The following FHIT variants were observed in gnomAD, a reference collection of about 807,000 sequenced individuals.
FHIT encodes the protein bis(5'-adenosyl)-triphosphatase.
Under a neutral mutation model 17.9 loss-of-function variants are expected in FHIT, and 19 were observed. The ratio of observed to expected loss-of-function variants is 1.06; its 90% CI spans 0.74 to 1.56. The LOEUF (loss-of-function observed/expected upper bound fraction) is 1.56, where lower values mean the gene tolerates loss of function less well. Ranked by LOEUF, FHIT falls within the 40% of genes most tolerant of loss-of-function variation. FHIT has a pLI of 0.00. For synonymous variants in FHIT, 81 were observed against 69.7 expected (o/e 1.16, Z -0.81); for missense variants, 248 against 189.2 (o/e 1.31, Z -1.82).
intron 5 of FHIT, among the ~76,000 whole-genome samples, chr3:60,161,455 G>T (rs1700936066): frequency 6.6e-6 from 1 of 152,146 alleles, no homozygotes; most frequent in Non-Finnish European, 1.5e-5. Context: ...TATTAATAGT[G>T]TAATTCACAA....
chr3:60,154,180 C>T (rs760481845), intron 5 of FHIT, among the ~76,000 whole-genome samples: 1 of 152,228 alleles, frequency 6.6e-6, no homozygotes, highest in Non-Finnish European at 1.5e-5. Flanking sequence ...CCATATCCTA[C>T]TGCTCAAAGT....
chr3:60,670,807 C>A (rs1457430726), intron 4 of FHIT, among the ~76,000 whole-genome samples: 2 of 152,122 alleles, frequency 1.3e-5, no homozygotes, highest in African/African-American at 4.8e-5. Context: ...TTGGATTAAA[C>A]AGAGGGAATT....
At chr3:60,456,729 A>C (rs1234955284) in intron 5 of FHIT, among the ~76,000 whole-genome samples, 1 of 152,186 alleles carries the variant, frequency 6.6e-6, no homozygotes, top group Non-Finnish European at 1.5e-5. Context: ...GTGTGTTGAC[A>C]TCTTACCCAA....
intron 3 of FHIT, among the ~76,000 whole-genome samples, chr3:60,886,805 A>G (rs1258855711): frequency 6.6e-6 from 1 of 152,130 alleles, no homozygotes; most frequent in Non-Finnish European, 1.5e-5. Context: ...CCATTTACTC[A>G]ACATTCTATC....
At chr3:59,860,928 T>A (rs559704760) in intron 8 of FHIT, among the ~76,000 whole-genome samples, 55 of 152,108 alleles carry the variant, frequency 3.6e-4, no homozygotes, top group African/African-American at 1.2e-3. Flanking sequence ...AGAGCCCAGG[T>A]CCATAGAACC....
intron 4 of FHIT, among the ~76,000 whole-genome samples, chr3:60,577,659 A>T (rs1436839401): frequency 6.6e-6 from 1 of 152,144 alleles, no homozygotes; most frequent in African/African-American, 2.4e-5. Context: ...CATCAGTGCT[A>T]AGAGGCTTTC....
chr3:61,113,561 T>G (rs974832716), intron 2 of FHIT, among the ~76,000 whole-genome samples: 3 of 152,188 alleles, frequency 2.0e-5, no homozygotes, highest in Admixed American at 6.5e-5. Flanking sequence ...AACTCTTAGT[T>G]AGGTTACCTT....
intron 8 of FHIT, among the ~76,000 whole-genome samples, chr3:59,828,532 T>C (rs17362276): frequency 0.023 from 3,521 of 152,322 alleles, 58 homozygotes; most frequent in South Asian, 0.037. Context: ...TATTTGAAGT[T>C]TGCTTCTTCT....
intron 8 of FHIT, among the ~76,000 whole-genome samples, chr3:59,818,502 C>T (rs11917125): frequency 1.3e-4 from 19 of 146,712 alleles, no homozygotes; most frequent in African/African-American, 2.7e-4. Flanking sequence ...GTAAGATACA[C>T]GTAAATAATA....
At chr3:60,360,611 A>G (rs1699868003) in intron 5 of FHIT, among the ~76,000 whole-genome samples, 1 of 152,220 alleles carries the variant, frequency 6.6e-6, no homozygotes, top group South Asian at 2.1e-4. Flanking sequence ...CCTATGAAAT[A>G]GGTAACTAAT....
chr3:60,324,632 G>C (rs1307317326), intron 5 of FHIT, among the ~76,000 whole-genome samples: 1 of 151,418 alleles, frequency 6.6e-6, no homozygotes, highest in East Asian at 1.9e-4. Flanking sequence ...TGGTTGAAAA[G>C]GGATTAAGGA....
rs113489978 is a variant in FHIT, at chr3:60,175,637, G to A, written c.104-161485C>T. Reference sequence around the variant, plus strand: ...AGGTAAGATAGAAGATAAAAGCTGTGCACATTTATACACATATTCTACAAT... The same window carrying A: ...AGGTAAGATAGAAGATAAAAGCTGTACACATTTATACACATATTCTACAAT... On this transcript the variant is annotated intron_variant, in intron 5 of 9. Transcript: ENST00000492590. Among the ~76,000 whole-genome samples, 196 of 152,196 alleles carry A rather than the reference G, an allele frequency of 1.3e-3. 1 individual carries two copies. The highest frequency in any genetic ancestry group is 4.5e-3 in the African/African-American group (186 of 41,526).
intron 7 of FHIT, among the ~76,000 whole-genome samples, chr3:59,946,052 A>G (rs963751134): frequency 6.6e-6 from 1 of 152,176 alleles, no homozygotes; most frequent in African/African-American, 2.4e-5. Flanking sequence ...AATTTTTCTA[A>G]TTCTGTGAGA....
At chr3:60,228,893 T>C (rs377734011) in intron 5 of FHIT, among the ~76,000 whole-genome samples, 63 of 152,162 alleles carry the variant, frequency 4.1e-4, no homozygotes, top group Non-Finnish European at 6.3e-4. Context: ...TTCTATAAAA[T>C]ACGTAGAACA....
At chr3:60,405,191 T>C (rs553267429) in intron 5 of FHIT, among the ~76,000 whole-genome samples, 6 of 152,328 alleles carry the variant, frequency 3.9e-5, no homozygotes, top group African/African-American at 1.4e-4. Context: ...TGAGAATTTG[T>C]CTTCCCATTT....
At chr3:59,770,208 T>G (rs1458112193) in intron 8 of FHIT, among the ~76,000 whole-genome samples, 1 of 152,224 alleles carries the variant, frequency 6.6e-6, no homozygotes, top group Non-Finnish European at 1.5e-5. Context: ...TTGTGGACTA[T>G]CTCATCGAAT....
intron 2 of FHIT, among the ~76,000 whole-genome samples, chr3:61,084,869 T>C (rs748104683): frequency 3.3e-5 from 5 of 152,286 alleles, no homozygotes; most frequent in East Asian, 3.9e-4. Context: ...TCCATCTCTG[T>C]AGTTTTGCCC....
chr3:60,335,088 G>A (rs9877688), intron 5 of FHIT, among the ~76,000 whole-genome samples: 2,940 of 152,120 alleles, frequency 0.019, 98 homozygotes, highest in African/African-American at 0.067. Context: ...AAGTTAATTG[G>A]GATAGGGTTG....
intron 4 of FHIT, among the ~76,000 whole-genome samples, chr3:60,714,550 A>C (rs1313981329): frequency 1.3e-5 from 2 of 152,230 alleles, no homozygotes. Context: ...GCCTCAGCCC[A>C]AAATCTCCTT....
Sources: allele counts gnomAD v4.1 joint callset (sites outside exome capture counted in the v4.1 genomes callset), GRCh38; gene constraint gnomAD v4.1.1; transcripts MANE v1.5; gene names NCBI Gene and HGNC (gene_info 2026-07-23, HGNC 2026-07-21).